The following PCDHGA6 variants were observed in gnomAD, a reference collection of about 807,000 sequenced individuals.
PCDHGA6 encodes protocadherin gamma-A6.
PCDHGA6 carries 41 observed loss-of-function variants against 60.6 expected under a neutral mutation model. The observed-to-expected ratio is 0.68, with a 90% CI of 0.53 to 0.88. The LOEUF (loss-of-function observed/expected upper bound fraction) is 0.88, where lower values mean the gene tolerates loss of function less well. Ranked by LOEUF, PCDHGA6 falls within the 40% of genes least tolerant of loss-of-function variation. The pLI, the probability that PCDHGA6 is intolerant of heterozygous loss-of-function variation, is 0.00. For synonymous variants in PCDHGA6, 594 were observed against 524.4 expected (o/e 1.13, Z -1.81); for missense variants, 1,312 against 1,203.0 (o/e 1.09, Z -1.34).
chr5:141,454,351 C>T (rs1406631649), intron 1 of PCDHGA6, among the ~76,000 whole-genome samples: 2 of 152,152 alleles, frequency 1.3e-5, no homozygotes, highest in Non-Finnish European at 2.9e-5. Flanking sequence ...GAAGTTGATC[C>T]AAACTTAGAA....
intron 1 of PCDHGA6, among the ~76,000 whole-genome samples, chr5:141,484,021 G>A (rs892390865): frequency 2.6e-5 from 4 of 151,080 alleles, no homozygotes; most frequent in African/African-American, 9.7e-5. Context: ...GGGGTGGGGT[G>A]AGATCAAGTC....
rs1213536945 is a variant in PCDHGA6 at position 141,376,429 on chromosome 5, G to A, written c.2346G>A (p.Gln782=). The change falls in exon 1 of 4, where the codon CAG becomes CAA. Residue 782 remains glutamine (Q), a synonymous_variant. Coordinates refer to ENST00000517434, the MANE Select transcript of PCDHGA6 (RefSeq NM_018919.3). ...ACTATGCCGACACGCTTATCAACCA[G>A]GAGAGCTATGAGAAAAGCGAGCCTC... ...QPNYADTLIN[Q]ESYEKSEPLL... 31 of 1,614,088 alleles carry A rather than the reference G, an allele frequency of 1.9e-5. No individual in the cohort carries two copies. The highest frequency in any genetic ancestry group is 2.5e-5 in the Non-Finnish European group (29 of 1,180,052).
intron 1 of PCDHGA6, chr5:141,384,978 G>C (rs1394445835): frequency 6.2e-7 from 1 of 1,614,032 alleles, no homozygotes; most frequent in Non-Finnish European, 8.5e-7. Context: ...CGTTGTACCT[G>C]GTGGTGGCGG....
intron 1 of PCDHGA6, chr5:141,389,382 T>C (rs2091728828): frequency 6.2e-7 from 1 of 1,613,704 alleles, no homozygotes; most frequent in East Asian, 2.2e-5. Flanking sequence ...GCGGGAGCTG[T>C]CATCCTACGT....
At chr5:141,383,946 G>A (rs1023403145) in intron 1 of PCDHGA6, 3 of 1,613,696 alleles carry the variant, frequency 1.9e-6, no homozygotes, top group Non-Finnish European at 2.5e-6. Flanking sequence ...AAGTGACTAT[G>A]ACGTCTTTAA....
chr5:141,415,740 GTTTTTTTTT>G (rs57426385), intron 1 of PCDHGA6: 9,508 of 621,550 alleles, frequency 0.015, 13 homozygotes, highest in Non-Finnish European at 0.016. Context: ...GTTTATTAAG[GTTTTTTTTT>G]TTTTTTTTTT....
chr5:141,472,164 G>C (rs2099273083), intron 1 of PCDHGA6, among the ~76,000 whole-genome samples: 1 of 152,158 alleles, frequency 6.6e-6, no homozygotes, highest in Non-Finnish European at 1.5e-5. Flanking sequence ...TAGCTACTAG[G>C]TGTAATATCC....
intron 3 of PCDHGA6, among the ~76,000 whole-genome samples, chr5:141,509,766 G>A (rs1176830940): frequency 6.6e-6 from 1 of 152,104 alleles, no homozygotes; most frequent in Non-Finnish European, 1.5e-5. Flanking sequence ...TCCCTGAGAT[G>A]TCTAGTCCCC....
In PCDHGA6 at chr5:141,489,844, C is replaced by A; in HGVS notation, c.2425-4963C>A. 2 of 1,614,148 alleles carry A rather than the reference C, an allele frequency of 1.2e-6. No individual in the cohort carries two copies. Among genetic ancestry groups the A allele is most frequent in the Non-Finnish European group, 1.7e-6 (2 of 1,179,982 alleles). On this transcript the variant is annotated intron_variant, in intron 1 of 3. Coordinates refer to ENST00000517434, the MANE Select transcript of PCDHGA6 (RefSeq NM_018919.3). The surrounding 1 kb of genome is among the most constrained non-coding windows in gnomAD (Gnocchi z 4.5). Reference sequence around the variant, plus strand: ...GCTGGTGCTAGAGCAGCAGCTGGATCGTGAAGCCCAGGCAAGACATCAGCT... The same window carrying A: ...GCTGGTGCTAGAGCAGCAGCTGGATAGTGAAGCCCAGGCAAGACATCAGCT...
rs754329108 is a variant in PCDHGA6 at position 141,408,309 on chromosome 5, C to T, written c.2424+31802C>T. 1.8e-5 allele frequency: 29 copies of T among 1,613,698 alleles called. No individual in the cohort carries two copies. The highest frequency in any genetic ancestry group is 2.0e-5 in the Non-Finnish European group (24 of 1,179,730). On this transcript the variant is annotated intron_variant, in intron 1 of 3. Transcript: ENST00000517434. ...ACCCTGAGTGAGCCGATCCGCTACT[C>T]GATTCCGGAGGAGCTGGCCAAGGGC...
intron 1 of PCDHGA6, among the ~76,000 whole-genome samples, chr5:141,437,922 G>A (rs1039507511): frequency 1.3e-5 from 2 of 152,106 alleles, no homozygotes; most frequent in Admixed American, 6.5e-5. Context: ...ATTTTTAGTA[G>A]AGATGGGGTT....
At chr5:141,422,348 A>G (rs1163115969) in intron 1 of PCDHGA6, 1 of 1,554,608 alleles carries the variant, frequency 6.4e-7, no homozygotes, top group Non-Finnish European at 8.7e-7. Context: ...AATGTGCAAG[A>G]TCAAGATTCT....
chr5:141,404,499 C>T lies in PCDHGA6; in HGVS notation c.2424+27992C>T, dbSNP rs147632103. ...AACTCAGACACTGGTGTGCTGTATG[C>T]TCTGTGCTCCTTTGACTATGAGCAG... On this transcript the variant is annotated intron_variant, in intron 1 of 3. Coordinates refer to ENST00000517434, the MANE Select transcript of PCDHGA6 (RefSeq NM_018919.3). 1.0e-4 allele frequency: 163 copies of T among 1,613,840 alleles called. 1 individual carries two copies. The East Asian group carries it at 3.6e-3, about 36-fold the overall frequency.
At chr5:141,445,805 A>G (rs2098478274) in intron 1 of PCDHGA6, among the ~76,000 whole-genome samples, 2 of 152,236 alleles carry the variant, frequency 1.3e-5, no homozygotes, top group South Asian at 4.1e-4. Flanking sequence ...GAAAATAAAT[A>G]GATGAAACTA....
rs773340535 is a variant in PCDHGA6, at chr5:141,388,285, C to G, written c.2424+11778C>G. Reference sequence around the variant, plus strand: ...ATTAATGACCACACGCCAAAATTCACGCAAAATTCCTTTGAGCTGCAAATA... The same window carrying G: ...ATTAATGACCACACGCCAAAATTCAGGCAAAATTCCTTTGAGCTGCAAATA... On this transcript the variant is annotated intron_variant, in intron 1 of 3. Transcript: ENST00000517434. 3 of 1,613,318 alleles carry G rather than the reference C, an allele frequency of 1.9e-6. No homozygotes were observed. The Admixed American group carries it at 5.0e-5, about 27-fold the overall frequency.
intron 1 of PCDHGA6, chr5:141,395,544 G>A (rs1352260391): frequency 8.7e-5 from 1 of 11,524 alleles, no homozygotes. Flanking sequence ...GCTATTGTTT[G>A]TGTGTGTGTG....
In PCDHGA6 at chr5:141,489,120, G is replaced by C; in HGVS notation, c.2425-5687G>C. The C allele has an allele frequency of 1.1e-5, 5 of 445,662 alleles. No homozygotes were observed. Among genetic ancestry groups the C allele is most frequent in the East Asian group, 3.8e-5 (1 of 26,010 alleles). The allele number at this position is 445,662 out of a possible 1,614,324, so 27.6% of individuals were successfully genotyped here. ...AACTGCTGCAAGCAGGCAAACCTCC[G>C]AGCAGTTTTTAAGAGGCTGGAAGGA... On this transcript the variant is annotated intron_variant, in intron 1 of 3. Transcript: ENST00000517434. This position sits in a 1 kb window ranked among gnomAD's most constrained non-coding sequence, Gnocchi z 4.5.
chr5:141,468,282 G>A (rs1368214716), intron 1 of PCDHGA6, among the ~76,000 whole-genome samples: 1 of 140,012 alleles, frequency 7.1e-6, no homozygotes, highest in African/African-American at 2.7e-5. Context: ...CCGAGACCAC[G>A]CCATTGCACC....
At chr5:141,376,632 T>G (rs1399941658) in intron 1 of PCDHGA6, 125 bp downstream of exon 1, 5 of 1,296,946 alleles carry the variant, frequency 3.9e-6, no homozygotes, top group Non-Finnish European at 5.2e-6. Flanking sequence ...GGAAGATTCG[T>G]GATTTTGTAA....
Sources: gnomAD v4.1 joint callset for allele counts (sites outside exome capture counted in the v4.1 genomes callset) on GRCh38, gnomAD v4.1.1 for gene constraint, Gnocchi (gnomAD v3.1) non-coding constraint, MANE v1.5 for transcripts, NCBI Gene and HGNC (gene_info 2026-07-23, HGNC 2026-07-21) for gene names.